The following DRD3 variants were observed in gnomAD, a reference collection of about 807,000 sequenced individuals.
The protein encoded by DRD3 is dopamine receptor D3.
DRD3 carries 19 observed loss-of-function variants against 36.3 expected under a neutral mutation model. The observed-to-expected ratio is 0.52, with a 90% CI of 0.36 to 0.77. The LOEUF (loss-of-function observed/expected upper bound fraction) is 0.77. DRD3 is among the 30% of genes least tolerant of loss of function. The pLI is 0.00. For missense variants in DRD3, 465 were observed against 505.3 expected (o/e 0.92, Z 0.77); for synonymous variants, 195 against 203.7 (o/e 0.96, Z 0.36).
intron 3 of DRD3, 137 bp from the exon 4 acceptor site, chr3:114,147,694 T>C: frequency 2.0e-6 from 2 of 1,020,824 alleles, no homozygotes; most frequent in South Asian, 3.3e-5. Flanking sequence ...GCATGATTAC[T>C]GTTCACTGCA....
At chr3:114,134,791 G>A (rs2077461193) in intron 5 of DRD3, among the ~76,000 whole-genome samples, 1 of 151,920 alleles carries the variant, frequency 6.6e-6, no homozygotes, top group South Asian at 2.1e-4. Context: ...TTTTTTTCTT[G>A]AAGATTTTAA....
intron 2 of DRD3, among the ~76,000 whole-genome samples, chr3:114,160,562 C>T (rs1185293499): frequency 6.6e-6 from 1 of 152,228 alleles, no homozygotes; most frequent in Non-Finnish European, 1.5e-5. Flanking sequence ...ACTTCGGTGA[C>T]TACCCGATGT....
At chr3:114,168,078 A>C (rs998494223) in intron 2 of DRD3, among the ~76,000 whole-genome samples, 1 of 152,154 alleles carries the variant, frequency 6.6e-6, no homozygotes, top group African/African-American at 2.4e-5. Flanking sequence ...TATGACAGCC[A>C]ATGCATTCTG....
intron 2 of DRD3, among the ~76,000 whole-genome samples, chr3:114,168,694 A>G (rs910270951): frequency 6.6e-6 from 1 of 152,222 alleles, no homozygotes; most frequent in Admixed American, 6.5e-5. Flanking sequence ...AGGATGGAAA[A>G]GTCTGGTCTG....
chr3:114,144,190 T>C (rs1047469212), intron 4 of DRD3, among the ~76,000 whole-genome samples: 13 of 152,244 alleles, frequency 8.5e-5, no homozygotes, highest in African/African-American at 1.7e-4. Flanking sequence ...CAACTCCAAG[T>C]TGGAAGAGAC....
intron 5 of DRD3, among the ~76,000 whole-genome samples, chr3:114,133,990 G>GTTAGGTTTTCTAACTAGATTATTTC (rs1490366119): frequency 6.6e-6 from 1 of 152,194 alleles, no homozygotes; most frequent in East Asian, 1.9e-4. Context: ...TGTCCAGTGT[G>GTTAGGTTTTCTAACTAGATTATTTC]TTAGGTTTTC....
intron 5 of DRD3, among the ~76,000 whole-genome samples, chr3:114,138,340 A>G (rs148069343): frequency 2.2e-4 from 34 of 152,200 alleles, no homozygotes; most frequent in African/African-American, 7.9e-4. Context: ...AGACTGGGTA[A>G]TTTATAAAGA....
In DRD3 at chr3:114,191,101, T is replaced by G. The variant is rs186256446; in HGVS notation, c.-156+8172A>C. Among the ~76,000 whole-genome samples the G allele has an allele frequency of 7.2e-5, 11 of 152,336 alleles. No individual in the cohort carries two copies. In the East Asian group the frequency reaches 1.9e-3, roughly 27 times the overall value. Reference sequence around the variant, plus strand: ...TGTTCAACAAATACTTATTGAGAATTAATTCTATGACAGGCCTGTTTTGGG... The same window carrying G: ...TGTTCAACAAATACTTATTGAGAATGAATTCTATGACAGGCCTGTTTTGGG... On this transcript the variant is annotated intron_variant, in intron 1 of 7. Coordinates refer to the DRD3 transcript ENST00000460779.
intron 1 of DRD3, among the ~76,000 whole-genome samples, chr3:114,185,086 G>A (rs1191381120): frequency 6.6e-6 from 1 of 152,188 alleles, no homozygotes; most frequent in African/African-American, 2.4e-5. Context: ...TTTGATTATA[G>A]TGAGTCTTGG....
intron 1 of DRD3, among the ~76,000 whole-genome samples, chr3:114,192,806 G>C (rs998241214): frequency 6.6e-6 from 1 of 152,214 alleles, no homozygotes; most frequent in African/African-American, 2.4e-5. Context: ...CTGGGTCTGA[G>C]ATAAGGTAGA....
intron 1 of DRD3, among the ~76,000 whole-genome samples, 193 bp downstream of exon 1, chr3:114,178,464 A>G (rs773425213): frequency 3.3e-5 from 5 of 152,194 alleles, no homozygotes; most frequent in Non-Finnish European, 7.4e-5. Context: ...AGAAAAAGGA[A>G]TATAAAAGGT....
intron 1 of DRD3, among the ~76,000 whole-genome samples, chr3:114,191,786 C>A (rs1472871291): frequency 1.3e-5 from 2 of 152,148 alleles, no homozygotes; most frequent in African/African-American, 4.8e-5. Context: ...GGAAAGGGAG[C>A]TGCCAAAATA....
intron 1 of DRD3, among the ~76,000 whole-genome samples, chr3:114,173,892 G>A (rs905621889): frequency 1.3e-5 from 2 of 152,136 alleles, no homozygotes; most frequent in Admixed American, 6.5e-5. Flanking sequence ...TTGCCCTCAA[G>A]CCAGGTATCT....
chr3:114,129,887 G>A (rs2077413694), intron 6 of DRD3, among the ~76,000 whole-genome samples: 1 of 152,132 alleles, frequency 6.6e-6, no homozygotes, highest in African/African-American at 2.4e-5. Flanking sequence ...GCGAAACCTT[G>A]TCTTTACTAA....
chr3:114,156,795 C>CTT, intron 3 of DRD3, among the ~76,000 whole-genome samples: 13 of 96,844 alleles, frequency 1.3e-4, no homozygotes, highest in Admixed American at 2.3e-4. Flanking sequence ...TTCTTTCTTT[C>CTT]TTTCTCTTTT....
chr3:114,172,430 A>G (rs2077855693), intron 1 of DRD3, among the ~76,000 whole-genome samples: 1 of 152,230 alleles, frequency 6.6e-6, no homozygotes, highest in African/African-American at 2.4e-5. Context: ...GAAGCAGACC[A>G]TGCAGTTATC....
Position 114,172,008 on chromosome 3 carries a change from G to A in DRD3, c.-16C>T. 7.0e-7 allele frequency: 1 copy of A among 1,422,960 alleles called. No individual in the cohort carries two copies. Among genetic ancestry groups the A allele is most frequent in the South Asian group, 1.6e-5 (1 of 61,284 alleles). The allele number at this position is 1,422,960 out of a possible 1,614,324, so 88.1% of individuals were successfully genotyped here. ...GAGATGCCATAGCCCAGAGGGAGGT[G>A]CGTGATGCCAAGGGGCTTCCTGTGA... On this transcript the variant is annotated 5_prime_UTR_variant, in exon 2 of 7. Transcript: ENST00000383673.
chr3:114,198,294 A>G (rs1210264961), intron 1 of DRD3, among the ~76,000 whole-genome samples: 1 of 151,482 alleles, frequency 6.6e-6, no homozygotes, highest in Non-Finnish European at 1.5e-5. Flanking sequence ...CAGTGGTGCA[A>G]TCATGGGGCA....
chr3:114,149,536 C>A (rs1190848142), intron 3 of DRD3, among the ~76,000 whole-genome samples: 1 of 152,172 alleles, frequency 6.6e-6, no homozygotes, highest in African/African-American at 2.4e-5. Flanking sequence ...AGATTTCTGC[C>A]ACGTATAATC....
Sources: gnomAD v4.1 joint callset for allele counts (sites outside exome capture counted in the v4.1 genomes callset) on GRCh38, gnomAD v4.1.1 for gene constraint, MANE v1.5 for transcripts, NCBI Gene and HGNC (gene_info 2026-07-23, HGNC 2026-07-21) for gene names.